The following PTPRD variants were observed in gnomAD, a reference collection of about 807,000 sequenced individuals.
PTPRD encodes receptor-type tyrosine-protein phosphatase delta.
PTPRD carries 34 observed loss-of-function variants against 214.5 expected under a neutral mutation model. That is an observed-to-expected ratio of 0.16 (90% CI 0.12 to 0.21). The LOEUF is 0.21. PTPRD is among the 10% of genes least tolerant of loss of function. The pLI is 1.00. For synonymous variants in PTPRD, 1,128 were observed against 845.7 expected (o/e 1.33, Z -5.79); for missense variants, 2,545 against 2,398.7 (o/e 1.06, Z -1.27).
At chr9:8,831,432 A>C (rs758465304) in intron 11 of PTPRD, among the ~76,000 whole-genome samples, 4 of 152,200 alleles carry the variant, frequency 2.6e-5, no homozygotes, top group Admixed American at 1.3e-4. Context: ...CACATTATAC[A>C]GTCTACATAC....
In PTPRD at chr9:10,176,579, G is replaced by T. The variant is rs573268321; in HGVS notation, c.-544-142789C>A. ...TGACAGTCACATAGTAAAAGTGATT[G>T]GAAAAGGTTATCTTGAACAAAGGTT... On this transcript the variant is annotated intron_variant, in intron 3 of 45. Transcript: ENST00000381196. 4.6e-5 allele frequency among the ~76,000 whole-genome samples: 7 copies of T among 152,030 alleles called. No homozygotes were observed. In the South Asian group the frequency reaches 1.0e-3, roughly 23 times the overall value.
chr9:9,606,420 C>T (rs2094156661), intron 7 of PTPRD, among the ~76,000 whole-genome samples: 1 of 151,858 alleles, frequency 6.6e-6, no homozygotes, highest in South Asian at 2.1e-4. Flanking sequence ...TTTTTGTTAA[C>T]TATAATTAGC....
intron 11 of PTPRD, among the ~76,000 whole-genome samples, chr9:8,994,471 G>C (rs1369117371): frequency 6.6e-6 from 1 of 152,038 alleles, no homozygotes; most frequent in East Asian, 1.9e-4. Context: ...AGGTTACTGA[G>C]ATCAATAGGA....
intron 3 of PTPRD, among the ~76,000 whole-genome samples, chr9:10,230,466 A>ATCTG (rs1172812382): frequency 6.6e-6 from 1 of 151,608 alleles, no homozygotes; most frequent in Admixed American, 6.6e-5. Context: ...CTATCTATCT[A>ATCTG]TCTATCTATC....
chr9:9,177,444 G>A (rs1279887713), intron 10 of PTPRD, among the ~76,000 whole-genome samples: 1 of 152,022 alleles, frequency 6.6e-6, no homozygotes, highest in East Asian at 1.9e-4. Flanking sequence ...GAACTGATAA[G>A]TACTGACTAA....
At chr9:9,919,060 T>C (rs2081793349) in intron 5 of PTPRD, among the ~76,000 whole-genome samples, 2 of 152,150 alleles carry the variant, frequency 1.3e-5, no homozygotes, top group South Asian at 4.1e-4. Flanking sequence ...TATTTGCTAA[T>C]GTTAAACAAC....
chr9:8,789,065 G>C (rs1208243677), intron 11 of PTPRD, among the ~76,000 whole-genome samples: 2 of 152,164 alleles, frequency 1.3e-5, no homozygotes, highest in Admixed American at 1.3e-4. Flanking sequence ...TGAGAGGCCA[G>C]TAAGAAGCAT....
chr9:9,764,875 A>G (rs2821512), intron 6 of PTPRD, among the ~76,000 whole-genome samples: 27,260 of 152,132 alleles, frequency 0.18, 3,790 homozygotes, highest in East Asian at 0.38. Context: ...GTTCATTACC[A>G]GAAATATCAT....
chr9:10,368,382 C>T (rs1476930577), intron 2 of PTPRD, among the ~76,000 whole-genome samples: 1 of 152,024 alleles, frequency 6.6e-6, no homozygotes, highest in African/African-American at 2.4e-5. Context: ...AGTGATGACA[C>T]CTTACTTGTC....
chr9:9,573,979 T>C (rs1424804965), intron 8 of PTPRD, among the ~76,000 whole-genome samples: 2 of 151,822 alleles, frequency 1.3e-5, no homozygotes, highest in East Asian at 1.9e-4. Flanking sequence ...AAGTATAGAA[T>C]GTATGATACA....
chr9:10,598,911 A>C (rs1185187117), intron 2 of PTPRD, among the ~76,000 whole-genome samples: 1 of 151,608 alleles, frequency 6.6e-6, no homozygotes, highest in Non-Finnish European at 1.5e-5. Flanking sequence ...TAAATAGGTA[A>C]AACAGAGAAT....
chr9:10,129,574 A>G (rs147756528), intron 3 of PTPRD, among the ~76,000 whole-genome samples: 2,457 of 145,466 alleles, frequency 0.017, 27 homozygotes, highest in Non-Finnish European at 0.025. Flanking sequence ...CATCTCACCT[A>G]CTATCAAGAA....
At chr9:9,069,485 A>T (rs113550281) in intron 10 of PTPRD, among the ~76,000 whole-genome samples, 41 of 152,350 alleles carry the variant, frequency 2.7e-4, no homozygotes, top group African/African-American at 9.4e-4. Flanking sequence ...TTAAAGCATT[A>T]CTGACAGAAT....
chr9:9,829,208 A>G (rs1017593510), intron 5 of PTPRD, among the ~76,000 whole-genome samples: 5 of 151,926 alleles, frequency 3.3e-5, no homozygotes, highest in African/African-American at 1.2e-4. Context: ...ACATATTTCT[A>G]TAAACTGGTA....
intron 2 of PTPRD, among the ~76,000 whole-genome samples, chr9:10,370,062 G>T (rs888255787): frequency 1.3e-5 from 2 of 152,032 alleles, no homozygotes; most frequent in African/African-American, 4.8e-5. Flanking sequence ...GACAGAGAAA[G>T]ATCCAGTACA....
chr9:9,435,531 C>T (rs768028147), intron 8 of PTPRD, among the ~76,000 whole-genome samples: 1 of 152,084 alleles, frequency 6.6e-6, no homozygotes, highest in East Asian at 1.9e-4. Flanking sequence ...TTATTTTTGT[C>T]AACAGATTTT....
chr9:8,701,151 A>T (rs980378841), intron 12 of PTPRD, among the ~76,000 whole-genome samples: 3 of 151,586 alleles, frequency 2.0e-5, no homozygotes, highest in Admixed American at 6.6e-5. Context: ...ACAAAGCAAG[A>T]CTCCATCTCA....
intron 2 of PTPRD, among the ~76,000 whole-genome samples, chr9:10,377,977 C>G (rs1270118435): frequency 6.6e-6 from 1 of 151,876 alleles, no homozygotes; most frequent in Non-Finnish European, 1.5e-5. Context: ...TTTTTGAGGA[C>G]CCTCCAAATT....
At chr9:8,638,333 C>T (rs987598730) in intron 12 of PTPRD, among the ~76,000 whole-genome samples, 4 of 152,014 alleles carry the variant, frequency 2.6e-5, no homozygotes, top group African/African-American at 9.7e-5. Flanking sequence ...ACATGGTGTT[C>T]CCATTAACTT....
Sources: allele counts gnomAD v4.1 joint callset (sites outside exome capture counted in the v4.1 genomes callset), GRCh38; gene constraint gnomAD v4.1.1; transcripts MANE v1.5; gene names NCBI Gene and HGNC (gene_info 2026-07-23, HGNC 2026-07-21).